STPG2: variants seen among roughly 807,000 people sequenced by gnomAD.
STPG2 encodes the protein sperm tail PG-rich repeat containing 2.
In STPG2, 56 loss-of-function variants were observed where a neutral mutation model predicts 54.2. The ratio of observed to expected loss-of-function variants is 1.03; its 90% CI spans 0.83 to 1.29. The LOEUF is 1.29. STPG2 is among the 50% of genes most tolerant of loss of function. The pLI is 0.00. For missense variants in STPG2, 596 were observed against 544.9 expected, an observed-to-expected ratio of 1.09 and a Z score of -0.93; for synonymous variants, 200 against 181.8, an observed-to-expected ratio of 1.10 and a Z score of -0.81.
At chr4:98,050,865 C>T (rs1410310271) in intron 5 of STPG2, among the ~76,000 whole-genome samples, 4 of 151,814 alleles carry the variant, frequency 2.6e-5, no homozygotes, top group Non-Finnish European at 5.9e-5. Context: ...ATTAGCCGGG[C>T]GTGGTGTCGG....
At chr4:97,834,777 T>C (rs1357409966) in intron 9 of STPG2, among the ~76,000 whole-genome samples, 1 of 152,040 alleles carries the variant, frequency 6.6e-6, no homozygotes, top group Non-Finnish European at 1.5e-5. Context: ...GAGGGATGGA[T>C]CTCACCTTTT....
chr4:97,993,926 T>A (rs2149271110), intron 5 of STPG2, among the ~76,000 whole-genome samples: 1 of 152,318 alleles, frequency 6.6e-6, no homozygotes, highest in African/African-American at 2.4e-5. Flanking sequence ...GGTATCAGTT[T>A]TAATAGTTCC....
chr4:97,479,587 G>A (rs184925541), intron 4 of STPG2, among the ~76,000 whole-genome samples: 2 of 151,802 alleles, frequency 1.3e-5, no homozygotes, highest in African/African-American at 4.8e-5. Context: ...GAATTGATTA[G>A]CATCTAGATT....
In STPG2 at chr4:98,109,203, C is replaced by G; in HGVS notation, c.490G>C (p.Asp164His). The change falls in exon 4 of 11, where the codon GAT becomes CAT. Residue 164 changes from aspartate (D) to histidine (H), a missense_variant. Coordinates refer to ENST00000295268, the MANE Select transcript of STPG2 (RefSeq NM_174952.3). ...KKSGPGPGQY[D>H]IVQKKTSYYE... Reference sequence around the variant, plus strand: ...TATTTTTTTACTTACTGGACTATATCATACTGTCCTGGACCAGGACCTGAC... The same window carrying G: ...TATTTTTTTACTTACTGGACTATATGATACTGTCCTGGACCAGGACCTGAC... 6.3e-7 allele frequency: 1 copy of G among 1,592,352 alleles called. No individual in the cohort carries two copies. The highest frequency in any genetic ancestry group is 8.6e-7 in the Non-Finnish European group (1 of 1,167,022).
At chr4:97,830,409 A>G (rs1728415414) in intron 9 of STPG2, among the ~76,000 whole-genome samples, 1 of 152,206 alleles carries the variant, frequency 6.6e-6, no homozygotes, top group East Asian at 1.9e-4. Flanking sequence ...AGTACCAACC[A>G]CTGCAAAAAC....
At chr4:97,454,647 A>G (rs1204362227) in intron 4 of STPG2, among the ~76,000 whole-genome samples, 1 of 151,564 alleles carries the variant, frequency 6.6e-6, no homozygotes, top group Non-Finnish European at 1.5e-5. Flanking sequence ...TTATGTGCCC[A>G]TGCAAAGTTA....
At chr4:98,122,498 T>C (rs973910988) in intron 3 of STPG2, among the ~76,000 whole-genome samples, 1 of 152,218 alleles carries the variant, frequency 6.6e-6, no homozygotes, top group Non-Finnish European at 1.5e-5. Context: ...ATGAATTACA[T>C]TTATTAATTT....
intron 8 of STPG2, among the ~76,000 whole-genome samples, chr4:97,913,788 T>G (rs1731769651): frequency 6.6e-6 from 1 of 152,154 alleles, no homozygotes. Flanking sequence ...CCCAAAATGT[T>G]CTACATAATC....
At position 97,676,295 on chromosome 4, in the gene STPG2, A is replaced by C. The variant is rs549373189; in HGVS notation, c.1320+36404T>G. ...TCCAGTCACTAGTTTTAAAAATGTGAAAATGTGTGGCAGCAGCCTCAGCTC... is the reference window on the plus strand; with the variant it reads ...TCCAGTCACTAGTTTTAAAAATGTGCAAATGTGTGGCAGCAGCCTCAGCTC... On this transcript the variant is annotated intron_variant, in intron 10 of 10. Coordinates refer to ENST00000295268, the MANE Select transcript of STPG2 (RefSeq NM_174952.3). Among the ~76,000 whole-genome samples the C allele has an allele frequency of 1.5e-3, 235 of 151,742 alleles. 1 individual carries two copies. Among genetic ancestry groups the C allele is most frequent in the African/African-American group, 5.4e-3 (225 of 41,430 alleles).
rs964417710 is a variant in STPG2 at position 97,495,517 on chromosome 4, C to T, written c.462+217182G>A. 2.1e-4 allele frequency among the ~76,000 whole-genome samples: 31 copies of T among 150,910 alleles called. 1 individual carries two copies. Among genetic ancestry groups the T allele is most frequent in the African/African-American group, 7.0e-4 (29 of 41,264 alleles). On this transcript the variant is annotated intron_variant, in intron 4 of 4. Transcript: ENST00000522676. ...CATTTAGTGTTCAGATTCTATAAGG[C>T]AATATAAGGGAGTAATATATTATGC... is the stretch of plus-strand genomic sequence containing the variant.
chr4:97,720,305 A>G (rs541267567), intron 9 of STPG2, among the ~76,000 whole-genome samples: 8 of 152,100 alleles, frequency 5.3e-5, no homozygotes, highest in African/African-American at 1.7e-4. Context: ...AAGCTATAAA[A>G]TGAGTAAGGA....
chr4:97,855,507 T>C lies in STPG2; in HGVS notation c.1045-14575A>G, dbSNP rs113720782. On this transcript the variant is annotated intron_variant, in intron 8 of 10. Coordinates refer to ENST00000295268, the MANE Select transcript of STPG2 (RefSeq NM_174952.3). ...GTCTGTTCATGTCCTTCGCCTACTT[T>C]TTAATAAGGTTGTTTTTTTTTCTTG... Among the ~76,000 whole-genome samples the C allele has an allele frequency of 5.7e-3, 861 of 152,268 alleles. 5 individuals carry two copies. Among genetic ancestry groups the C allele is most frequent in the Middle Eastern group, 0.02 (6 of 294 alleles).
chr4:97,570,705 C>T (rs1336952178), intron 10 of STPG2, among the ~76,000 whole-genome samples: 2 of 152,040 alleles, frequency 1.3e-5, no homozygotes, highest in Non-Finnish European at 2.9e-5. Context: ...CTTTATCTAC[C>T]ACTTATTAGC....
At chr4:97,765,156 A>G (rs1177997396) in intron 9 of STPG2, among the ~76,000 whole-genome samples, 1 of 152,162 alleles carries the variant, frequency 6.6e-6, no homozygotes, top group African/African-American at 2.4e-5. Flanking sequence ...ATTCAATACA[A>G]TTGCTGAAGA....
At chr4:97,598,718 T>C (rs1035070503) in intron 10 of STPG2, among the ~76,000 whole-genome samples, 1 of 152,160 alleles carries the variant, frequency 6.6e-6, no homozygotes, top group Non-Finnish European at 1.5e-5. Flanking sequence ...TGACTAGCCA[T>C]ATACAGAAGA....
chr4:98,083,228 C>A (rs1578840001), intron 5 of STPG2, among the ~76,000 whole-genome samples: 1 of 152,142 alleles, frequency 6.6e-6, no homozygotes, highest in East Asian at 1.9e-4. Context: ...CTCTTAAACA[C>A]TAAAATCCTG....
intron 9 of STPG2, among the ~76,000 whole-genome samples, chr4:97,744,521 T>G (rs186708807): frequency 4.0e-5 from 6 of 151,456 alleles, no homozygotes; most frequent in Non-Finnish European, 3.0e-5. Flanking sequence ...TTGCTTACTA[T>G]TAGATTCTTA....
At chr4:97,537,162 G>A (rs775953972) in intron 4 of STPG2, among the ~76,000 whole-genome samples, 7 of 152,142 alleles carry the variant, frequency 4.6e-5, no homozygotes, top group Non-Finnish European at 8.8e-5. Flanking sequence ...CTGAGGTACC[G>A]TGTTCATCTC....
chr4:97,900,739 A>T (rs988522492), intron 8 of STPG2, among the ~76,000 whole-genome samples: 1 of 152,016 alleles, frequency 6.6e-6, no homozygotes, highest in African/African-American at 2.4e-5. Context: ...TTATGAACAC[A>T]AAGAAGATAA....
Sources: allele counts gnomAD v4.1 joint callset (sites outside exome capture counted in the v4.1 genomes callset), GRCh38; gene constraint gnomAD v4.1.1; transcripts MANE v1.5; gene names NCBI Gene and HGNC (gene_info 2026-07-23, HGNC 2026-07-21).